PCDH15: variants seen among roughly 807,000 people sequenced by gnomAD.
The protein encoded by PCDH15 is protocadherin-15.
Under a neutral mutation model 178.5 loss-of-function variants are expected in PCDH15, and 129 were observed. That is an observed-to-expected ratio of 0.72 (90% confidence interval 0.63 to 0.84). The LOEUF is 0.84. PCDH15 is among the 40% of genes least tolerant of loss of function. PCDH15 has a pLI of 0.00. For synonymous variants in PCDH15, 800 were observed against 732.0 expected, an observed-to-expected ratio of 1.09 and a Z score of -1.50; for missense variants, 2,230 against 2,099.9, an observed-to-expected ratio of 1.06 and a Z score of -1.21.
At chr10:55,569,119 G>A (rs1160861236) in intron 2 of PCDH15, among the ~76,000 whole-genome samples, 1 of 152,030 alleles carries the variant, frequency 6.6e-6, no homozygotes, top group Admixed American at 6.6e-5. Flanking sequence ...GTACTCCCAT[G>A]TAATATGTTT....
chr10:55,092,607 A>T (rs1464373063), intron 2 of PCDH15, among the ~76,000 whole-genome samples: 1 of 151,930 alleles, frequency 6.6e-6, no homozygotes, highest in African/African-American at 2.4e-5. Context: ...CCATAAAACA[A>T]AATGGCTCAA....
At chr10:54,179,625 A>C (rs2047789496) in intron 13 of PCDH15, among the ~76,000 whole-genome samples, 2 of 152,192 alleles carry the variant, frequency 1.3e-5, no homozygotes, top group African/African-American at 4.8e-5. Context: ...GGTACTTTTA[A>C]AATATTGTTG....
chr10:53,989,852 T>A (rs1196797856), intron 21 of PCDH15, among the ~76,000 whole-genome samples: 2 of 152,050 alleles, frequency 1.3e-5, no homozygotes, highest in African/African-American at 4.8e-5. Flanking sequence ...GAAAAATAAA[T>A]CAGTAGTGAT....
At chr10:54,307,477 A>T (rs1004334934) in intron 8 of PCDH15, among the ~76,000 whole-genome samples, 1 of 151,624 alleles carries the variant, frequency 6.6e-6, no homozygotes, top group Non-Finnish European at 1.5e-5. Flanking sequence ...AAACATTACC[A>T]TAATCTATTG....
At position 53,806,564 on chromosome 10, in the gene PCDH15, CTT is replaced by C; in HGVS notation, c.*13_*14del. ...TGTAAGTAAAAATTAATTAAAATAT[CTT>C]TTAAAAAATTGGTCACAGTTTTGTC... is the stretch of plus-strand genomic sequence containing the variant. On this transcript the variant is annotated 3_prime_UTR_variant, in exon 38 of 38. Coordinates refer to ENST00000644397, the MANE Select transcript of PCDH15 (RefSeq NM_001384140.1). 1 of 1,548,768 alleles carries C rather than the reference CTT, an allele frequency of 6.5e-7. No individual in the cohort carries two copies. The highest frequency in any genetic ancestry group is 1.2e-5 in the South Asian group (1 of 82,378).
At chr10:55,156,828 G>A (rs1838903296) in intron 2 of PCDH15, among the ~76,000 whole-genome samples, 1 of 152,124 alleles carries the variant, frequency 6.6e-6, no homozygotes. Flanking sequence ...TAAACAGAGA[G>A]AGGTTGGTGA....
At chr10:54,862,037 G>C (rs894334507) in intron 3 of PCDH15, among the ~76,000 whole-genome samples, 1 of 151,976 alleles carries the variant, frequency 6.6e-6, no homozygotes, top group Non-Finnish European at 1.5e-5. Flanking sequence ...TGTTCAAAAA[G>C]AACTAAATAT....
At chr10:54,576,805 G>T in intron 2 of PCDH15, among the ~76,000 whole-genome samples, 1 of 152,238 alleles carries the variant, frequency 6.6e-6, no homozygotes. Flanking sequence ...AGTGATGTTT[G>T]TTCCATTAGT....
intron 1 of PCDH15, among the ~76,000 whole-genome samples, chr10:54,733,272 CA>C (rs1339871755): frequency 6.6e-5 from 10 of 151,374 alleles, no homozygotes; most frequent in African/African-American, 2.4e-4. Flanking sequence ...TCAAGAATAG[CA>C]AAAGAATTTA....
Position 55,119,697 on chromosome 10 carries a change from A to G in PCDH15, c.-80+46879T>C, listed in dbSNP as rs937394016. 1.8e-4 allele frequency among the ~76,000 whole-genome samples: 27 copies of G among 152,214 alleles called. 1 individual carries two copies. On this transcript the variant is annotated intron_variant, in intron 2 of 5. Transcript: ENST00000458638. ...CAACACATATGTCAAAGAACGATGT[A>G]TTGCCCAAATGGCCTGTAACTATGT...
chr10:54,286,702 T>G (rs2059049105), intron 8 of PCDH15, among the ~76,000 whole-genome samples: 1 of 152,248 alleles, frequency 6.6e-6, no homozygotes. Flanking sequence ...CTCAGCTCAC[T>G]GCAACCTCCG....
At chr10:55,115,185 G>A (rs573798529) in intron 2 of PCDH15, among the ~76,000 whole-genome samples, 1 of 152,256 alleles carries the variant, frequency 6.6e-6, no homozygotes, top group Non-Finnish European at 1.5e-5. Flanking sequence ...ATTATGAAAT[G>A]AATTTCAAAA....
intron 3 of PCDH15, among the ~76,000 whole-genome samples, chr10:54,429,013 A>G (rs1290941915): frequency 6.6e-6 from 1 of 152,230 alleles, no homozygotes; most frequent in Non-Finnish European, 1.5e-5. Flanking sequence ...CTAAGCACAC[A>G]GAAAAACACT....
chr10:55,111,676 T>C (rs1837507920), intron 2 of PCDH15, among the ~76,000 whole-genome samples: 1 of 152,102 alleles, frequency 6.6e-6, no homozygotes, highest in South Asian at 2.1e-4. Flanking sequence ...AAACCCCATC[T>C]CTACTAAAAA....
At chr10:55,077,404 TTCCTTCCTTCCTTCC>T (rs1269251150) in intron 2 of PCDH15, among the ~76,000 whole-genome samples, 1 of 41,644 alleles carries the variant, frequency 2.4e-5, no homozygotes, top group Non-Finnish European at 6.4e-5. Flanking sequence ...TCTCTCTTCC[TTCCTTCCTTCCTTCC>T]TTCCTTCCTT....
At chr10:54,286,517 T>C (rs1429250124) in intron 8 of PCDH15, among the ~76,000 whole-genome samples, 2 of 152,224 alleles carry the variant, frequency 1.3e-5, no homozygotes, top group East Asian at 3.9e-4. Context: ...CAAGCAATGA[T>C]GTAATGAACA....
At chr10:54,556,309 A>G (rs1044401039) in intron 2 of PCDH15, among the ~76,000 whole-genome samples, 3 of 152,126 alleles carry the variant, frequency 2.0e-5, no homozygotes, top group African/African-American at 7.2e-5. Context: ...TTTACTGCAG[A>G]AGTGTACTGA....
chr10:54,852,206 G>A (rs1411588770), intron 3 of PCDH15, among the ~76,000 whole-genome samples: 1 of 152,054 alleles, frequency 6.6e-6, no homozygotes, highest in Non-Finnish European at 1.5e-5. Flanking sequence ...ATGTATGAAT[G>A]AAAAAGCATA....
intron 26 of PCDH15, among the ~76,000 whole-genome samples, chr10:53,880,327 A>C (rs1460271561): frequency 1.3e-5 from 2 of 152,208 alleles, no homozygotes; most frequent in East Asian, 3.8e-4. Flanking sequence ...TTTGACCTAG[A>C]GATAAAACAA....
Sources: gnomAD v4.1 joint callset for allele counts (sites outside exome capture counted in the v4.1 genomes callset) on GRCh38, gnomAD v4.1.1 for gene constraint, MANE v1.5 for transcripts, NCBI Gene and HGNC (gene_info 2026-07-23, HGNC 2026-07-21) for gene names.